Variants in LGSN observed in about 807,000 individuals in gnomAD.
LGSN encodes the protein lengsin, lens protein with glutamine synthetase domain.
LGSN carries 21 observed loss-of-function variants against 19.5 expected under a neutral mutation model. The ratio of observed to expected loss-of-function variants is 1.07; its 90% CI spans 0.76 to 1.55. The LOEUF is 1.55. Ranked by LOEUF, LGSN falls within the 40% of genes most tolerant of loss-of-function variation. LGSN has a pLI of 0.00. For synonymous variants in LGSN, 257 were observed against 215.6 expected (o/e 1.19, Z -1.68); for missense variants, 673 against 608.5 (o/e 1.11, Z -1.12).
the LGSN span, among the ~76,000 whole-genome samples, chr6:63,432,115 AAGAAAGAAAG>A: frequency 8.5e-6 from 1 of 117,298 alleles, no homozygotes; most frequent in African/African-American, 3.4e-5. Context: ...GAAAGAAAGA[AAGAAAGAAAG>A]AAAGAAAGAA....
chr6:63,367,484 C>A, the LGSN span, among the ~76,000 whole-genome samples: 1 of 152,036 alleles, frequency 6.6e-6, no homozygotes, highest in Non-Finnish European at 1.5e-5. Context: ...AGCTTTTACA[C>A]TGTTGGTGGG....
At chr6:63,487,546 T>C in the LGSN span, among the ~76,000 whole-genome samples, 4 of 152,256 alleles carry the variant, frequency 2.6e-5, no homozygotes, top group African/African-American at 9.6e-5. Context: ...CTAACCTGAA[T>C]GTTAAGAGAA....
chr6:63,531,577 C>A, the LGSN span, among the ~76,000 whole-genome samples: 2 of 145,940 alleles, frequency 1.4e-5, no homozygotes, highest in Non-Finnish European at 3.0e-5. Flanking sequence ...GCAGCCTCAA[C>A]CTCCTGGACT....
chr6:63,378,394 T>A, the LGSN span, among the ~76,000 whole-genome samples: 2 of 152,024 alleles, frequency 1.3e-5, no homozygotes, highest in Non-Finnish European at 2.9e-5. Context: ...TATAATGACC[T>A]AGAAAAGTAG....
chr6:63,507,785 A>C, the LGSN span, among the ~76,000 whole-genome samples: 2 of 152,234 alleles, frequency 1.3e-5, no homozygotes, highest in Non-Finnish European at 2.9e-5. Context: ...ACCCTGCTTC[A>C]TAAAAATGGT....
At chr6:63,407,412 G>T in the LGSN span, among the ~76,000 whole-genome samples, 1 of 152,088 alleles carries the variant, frequency 6.6e-6, no homozygotes, top group Non-Finnish European at 1.5e-5. Flanking sequence ...CATATAAACA[G>T]AACCAATGAC....
At chr6:63,399,837 A>G in the LGSN span, among the ~76,000 whole-genome samples, 1 of 152,096 alleles carries the variant, frequency 6.6e-6, no homozygotes, top group Admixed American at 6.6e-5. Context: ...CTGGGACTAC[A>G]GGTGTATGCC....
At chr6:63,442,276 C>A in the LGSN span, among the ~76,000 whole-genome samples, 1 of 152,174 alleles carries the variant, frequency 6.6e-6, no homozygotes, top group East Asian at 1.9e-4. Flanking sequence ...AAAGAGTGAG[C>A]AGCAGTAAGA....
chr6:63,563,253 T>C, the LGSN span, among the ~76,000 whole-genome samples: 3 of 152,188 alleles, frequency 2.0e-5, no homozygotes, highest in African/African-American at 7.2e-5. Flanking sequence ...GCAAAATAAA[T>C]CCAAATCCTT....
the LGSN span, among the ~76,000 whole-genome samples, chr6:63,404,784 A>G: frequency 6.6e-6 from 1 of 151,092 alleles, no homozygotes; most frequent in Non-Finnish European, 1.5e-5. Context: ...TTAATATACT[A>G]AAAAAAAGTA....
At chr6:63,522,049 G>A in the LGSN span, among the ~76,000 whole-genome samples, 1 of 152,176 alleles carries the variant, frequency 6.6e-6, no homozygotes, top group African/African-American at 2.4e-5. Flanking sequence ...TTTTCCCACA[G>A]GCTTTGCCAG....
the LGSN span, among the ~76,000 whole-genome samples, chr6:63,412,021 G>T: frequency 6.6e-6 from 1 of 151,932 alleles, no homozygotes; most frequent in Non-Finnish European, 1.5e-5. Context: ...TATACTAAAG[G>T]TAAAGAGAAA....
the LGSN span, among the ~76,000 whole-genome samples, chr6:63,380,484 C>T: frequency 2.0e-5 from 3 of 152,178 alleles, no homozygotes; most frequent in Admixed American, 6.5e-5. Flanking sequence ...TGGTAGACAG[C>T]GTCATAAGCA....
the LGSN span, among the ~76,000 whole-genome samples, chr6:63,542,687 C>T: frequency 6.6e-6 from 1 of 152,178 alleles, no homozygotes; most frequent in African/African-American, 2.4e-5. Context: ...ACCTGACACT[C>T]GCTGGTTTGT....
At chr6:63,323,920 C>T (rs1033178141), upstream of LGSN, among the ~76,000 whole-genome samples, 65 of 151,710 alleles carry the variant, frequency 4.3e-4, 1 homozygote, top group Admixed American at 7.2e-4. Context: ...TACAGGCACC[C>T]GCCACCACAC....
At chr6:63,443,444 C>A in the LGSN span, 1 of 186,982 alleles carries the variant, frequency 5.3e-6, no homozygotes, top group South Asian at 1.4e-4. Context: ...ATGCCAAGGC[C>A]GAGGAGGCAC....
intron 1 of LGSN, among the ~76,000 whole-genome samples, chr6:63,316,333 T>TAACA (rs1768861345): frequency 6.6e-6 from 1 of 152,262 alleles, no homozygotes; most frequent in South Asian, 2.1e-4. Context: ...TTTTTATTTC[T>TAACA]AACAAATTGG....
chr6:63,482,848 G>A, the LGSN span, among the ~76,000 whole-genome samples: 9 of 152,134 alleles, frequency 5.9e-5, no homozygotes, highest in Non-Finnish European at 7.4e-5. Context: ...CTATAGGCGC[G>A]CACCACCATG....
chr6:63,439,842 T>C, the LGSN span, among the ~76,000 whole-genome samples: 1 of 152,346 alleles, frequency 6.6e-6, no homozygotes, highest in South Asian at 2.1e-4. Flanking sequence ...GAACCTTCTC[T>C]CTATATACAC....
Sources: gnomAD v4.1 joint callset for allele counts (sites outside exome capture counted in the v4.1 genomes callset) on GRCh38, gnomAD v4.1.1 for gene constraint, MANE v1.5 for transcripts, NCBI Gene and HGNC (gene_info 2026-07-23, HGNC 2026-07-21) for gene names.